The following HSPBAP1 variants were observed in gnomAD, a reference collection of about 807,000 sequenced individuals.
HSPBAP1 encodes HSPB1-associated protein 1.
A neutral mutation model predicts 45.2 loss-of-function variants in HSPBAP1; 27 were observed. The ratio of observed to expected loss-of-function variants is 0.60; its 90% CI spans 0.44 to 0.82. The LOEUF (loss-of-function observed/expected upper bound fraction) is 0.82. HSPBAP1 is among the 40% of genes least tolerant of loss of function. The pLI is 0.00. For synonymous variants in HSPBAP1, 204 were observed against 202.7 expected, an observed-to-expected ratio of 1.01 and a Z score of -0.06; for missense variants, 510 against 590.9, an observed-to-expected ratio of 0.86 and a Z score of 1.42.
Position 122,752,572 on chromosome 3 carries a change from A to AG in HSPBAP1, c.825+18_825+19insC. 2.0e-6 allele frequency: 3 copies of AG among 1,503,668 alleles called. No individual in the cohort carries two copies. Among genetic ancestry groups the AG allele is most frequent in the Admixed American group, 4.4e-5 (2 of 45,954 alleles). 93.1% of individuals were successfully genotyped at this position (1,503,668 alleles called of 1,614,324 possible). A position where few individuals can be genotyped will look rare whatever the true frequency, so the allele number is the denominator to read the frequency against. Reference sequence around the variant, plus strand: ...ATTTGCACTTACTTAAAAAAAAAAAAAAAACAACGAAAAAGTACCAGTTCA... The same window carrying AG: ...ATTTGCACTTACTTAAAAAAAAAAAAGAAAACAACGAAAAAGTACCAGTTCA... On this transcript the variant is annotated intron_variant, in intron 6 of 7. Transcript: ENST00000306103.
intron 6 of HSPBAP1, among the ~76,000 whole-genome samples, chr3:122,751,909 G>A (rs35753271): frequency 0.088 from 13,327 of 152,176 alleles, 683 homozygotes; most frequent in East Asian, 0.13. Context: ...GAGAGGATAC[G>A]GCTGTCAAAC....
chr3:122,747,737 C>T (rs1252338587), intron 6 of HSPBAP1, among the ~76,000 whole-genome samples: 3 of 148,542 alleles, frequency 2.0e-5, no homozygotes, highest in African/African-American at 7.5e-5. Context: ...CCCGGCCAGC[C>T]GCCCCGTCCC....
chr3:122,793,545 C>T, intron 1 of HSPBAP1, 72 bp downstream of exon 1: 1 of 1,421,162 alleles, frequency 7.0e-7, no homozygotes. Context: ...GCAAACGGCC[C>T]CACGAGGGGT....
chr3:122,749,032 T>C (rs1656482943), intron 6 of HSPBAP1, among the ~76,000 whole-genome samples: 1 of 152,046 alleles, frequency 6.6e-6, no homozygotes, highest in African/African-American at 2.4e-5. Flanking sequence ...AAATTTAAAA[T>C]ATATTTGAAT....
chr3:122,780,996 T>C (rs1336009954), intron 1 of HSPBAP1, among the ~76,000 whole-genome samples: 1 of 143,068 alleles, frequency 7.0e-6, no homozygotes, highest in Non-Finnish European at 1.5e-5. Flanking sequence ...CTAGATGTGA[T>C]GGCAGCCGGG....
At chr3:122,787,816 T>G (rs1438437107) in intron 1 of HSPBAP1, among the ~76,000 whole-genome samples, 2 of 152,180 alleles carry the variant, frequency 1.3e-5, no homozygotes, top group African/African-American at 2.4e-5. Flanking sequence ...TCTGACAAAA[T>G]TACTGGATTA....
At chr3:122,761,060 C>T (rs1308658235) in intron 3 of HSPBAP1, among the ~76,000 whole-genome samples, 2 of 152,136 alleles carry the variant, frequency 1.3e-5, no homozygotes, top group East Asian at 3.8e-4. Flanking sequence ...GGGCCCTGCA[C>T]CCAGCCAGGG....
chr3:122,793,390 C>G (rs1232157125), intron 1 of HSPBAP1, among the ~76,000 whole-genome samples: 1 of 152,180 alleles, frequency 6.6e-6, no homozygotes, highest in Non-Finnish European at 1.5e-5. Flanking sequence ...AAATAACACC[C>G]CATGCGTGAA....
chr3:122,748,868 TA>T, intron 6 of HSPBAP1, among the ~76,000 whole-genome samples: 1 of 152,262 alleles, frequency 6.6e-6, no homozygotes, highest in South Asian at 2.1e-4. Context: ...TAATGAACAG[TA>T]GAGCACCCAT....
chr3:122,749,755 T>C (rs1934057413), intron 6 of HSPBAP1, among the ~76,000 whole-genome samples: 1 of 151,818 alleles, frequency 6.6e-6, no homozygotes, highest in Non-Finnish European at 1.5e-5. Flanking sequence ...ACTACAGGCA[T>C]GCGCCACCAT....
intron 6 of HSPBAP1, among the ~76,000 whole-genome samples, chr3:122,747,823 C>T (rs1352949892): frequency 3.3e-5 from 5 of 151,848 alleles, no homozygotes; most frequent in Non-Finnish European, 7.4e-5. Context: ...TCTGCCCAGC[C>T]GCCCCTACTG....
intron 1 of HSPBAP1, among the ~76,000 whole-genome samples, chr3:122,780,662 C>G (rs1329242543): frequency 6.6e-6 from 1 of 151,080 alleles, no homozygotes; most frequent in Non-Finnish European, 1.5e-5. Flanking sequence ...GCTGACCCCC[C>G]CACCTCCCTC....
At chr3:122,747,485 T>C in intron 6 of HSPBAP1, among the ~76,000 whole-genome samples, 1 of 138,968 alleles carries the variant, frequency 7.2e-6, no homozygotes, top group African/African-American at 2.8e-5. Flanking sequence ...GGGAGGGAGG[T>C]CGGGGGGGTC....
chr3:122,786,630 A>G (rs1329613405), intron 1 of HSPBAP1: 1 of 152,244 alleles, frequency 6.6e-6, no homozygotes, highest in Non-Finnish European at 1.5e-5. Flanking sequence ...CACACATCCC[A>G]GAGATTATTT....
chr3:122,759,188 C>CACACAA, intron 4 of HSPBAP1, 36 bp downstream of exon 4: 1 of 1,346,202 alleles, frequency 7.4e-7, no homozygotes, highest in African/African-American at 1.9e-5. Context: ...GTGCGTTCCA[C>CACACAA]ACACACACAC....
At chr3:122,753,531 TAGGA>T (rs1267686923) in intron 5 of HSPBAP1, 2 of 984,442 alleles carry the variant, frequency 2.0e-6, no homozygotes, top group East Asian at 2.3e-4. Context: ...AAGATATAAA[TAGGA>T]AGGTATAATA....
At chr3:122,779,090 TG>T (rs1935307020) in intron 1 of HSPBAP1, among the ~76,000 whole-genome samples, 1 of 151,970 alleles carries the variant, frequency 6.6e-6, no homozygotes, top group Non-Finnish European at 1.5e-5. Context: ...TTGCCCAGGC[TG>T]GAGTGCAGTG....
At chr3:122,771,837 A>C (rs1040199913) in intron 2 of HSPBAP1, among the ~76,000 whole-genome samples, 2 of 152,254 alleles carry the variant, frequency 1.3e-5, no homozygotes, top group Non-Finnish European at 2.9e-5. Context: ...ATTCTAGATA[A>C]ATTCTAACCA....
chr3:122,770,572 G>A (rs1212260228), intron 2 of HSPBAP1, among the ~76,000 whole-genome samples: 4 of 152,180 alleles, frequency 2.6e-5, no homozygotes, highest in East Asian at 1.9e-4. Context: ...GTGGTAGCAC[G>A]TGCCTGTAGT....
Sources: allele counts gnomAD v4.1 joint callset (sites outside exome capture counted in the v4.1 genomes callset), GRCh38; gene constraint gnomAD v4.1.1; transcripts MANE v1.5; gene names NCBI Gene and HGNC (gene_info 2026-07-23, HGNC 2026-07-21).